OR51B5: variants seen among roughly 807,000 people sequenced by gnomAD.
OR51B5 encodes the protein olfactory receptor 51B5.
For synonymous variants in OR51B5, 186 were observed against 144.8 expected (o/e 1.28, Z -2.04); for missense variants, 456 against 374.6 (o/e 1.22, Z -1.79).
chr11:5,422,509 T>A (rs2736587), intron 1 of OR51B5: 1 of 1,613,900 alleles, frequency 6.2e-7, no homozygotes, highest in Non-Finnish European at 8.5e-7. Context: ...TTGCTCAGTT[T>A]TTCTTCCTTC....
At chr11:5,469,137 A>G in intron 1 of OR51B5, 1 of 227,360 alleles carries the variant, frequency 4.4e-6, no homozygotes, top group Non-Finnish European at 8.8e-6. Context: ...CAGGCATCAA[A>G]AGTTGTCTCT....
rs768147639 is a variant in OR51B5 at position 5,489,308 on chromosome 11, A to G, written n.84+16261T>C. The G allele has an allele frequency of 1.6e-5, 26 of 1,609,182 alleles. No individual in the cohort carries two copies. Among genetic ancestry groups the G allele is most frequent in the Non-Finnish European group, 2.0e-5 (24 of 1,177,490 alleles). On this transcript the variant is annotated intron_variant and non_coding_transcript_variant, in intron 1 of 4. Transcript: ENST00000415970. ...GCCAACATCACTGTCAATATTGTCTATGGGCTAACTGTGGCTCTGCTGGCC... is the reference window on the plus strand; with the variant it reads ...GCCAACATCACTGTCAATATTGTCTGTGGGCTAACTGTGGCTCTGCTGGCC...
At chr11:5,493,915 T>C (rs1052111712) in intron 1 of OR51B5, among the ~76,000 whole-genome samples, 3 of 152,206 alleles carry the variant, frequency 2.0e-5, no homozygotes, top group Non-Finnish European at 4.4e-5. Context: ...TATCATATAT[T>C]CATATATATT....
chr11:5,453,805 T>A, intron 1 of OR51B5: 1 of 1,614,208 alleles, frequency 6.2e-7, no homozygotes, highest in East Asian at 2.2e-5. Flanking sequence ...CTTATTCACT[T>A]CTTCTCCATG....
intron 1 of OR51B5, among the ~76,000 whole-genome samples, chr11:5,401,664 T>C (rs1273254293): frequency 2.0e-5 from 3 of 152,242 alleles, no homozygotes; most frequent in Non-Finnish European, 2.9e-5. Flanking sequence ...ATTCCTGATA[T>C]TATTCCATAT....
chr11:5,343,829 C>A (rs1162650959), upstream of OR51B5, among the ~76,000 whole-genome samples: 8 of 152,314 alleles, frequency 5.3e-5, no homozygotes, highest in African/African-American at 1.7e-4. Flanking sequence ...AACTTCTAAA[C>A]TGTTACCCTT....
intron 1 of OR51B5, chr11:5,389,353 T>C: frequency 6.4e-7 from 1 of 1,571,820 alleles, no homozygotes; most frequent in Non-Finnish European, 8.7e-7. Flanking sequence ...AGCTGAAGAA[T>C]TAATAACCAG....
intron 1 of OR51B5, among the ~76,000 whole-genome samples, chr11:5,476,946 G>A (rs2133805022): frequency 6.6e-6 from 1 of 152,286 alleles, no homozygotes; most frequent in Non-Finnish European, 1.5e-5. Context: ...AAGGTACAAA[G>A]TTTCCGTTAT....
intron 1 of OR51B5, among the ~76,000 whole-genome samples, chr11:5,401,448 G>T (rs1341632954): frequency 6.6e-6 from 1 of 152,158 alleles, no homozygotes; most frequent in African/African-American, 2.4e-5. Context: ...CAAAACATGG[G>T]ACAGCTAGCC....
At chr11:5,477,939 C>T (rs943621335) in intron 1 of OR51B5, among the ~76,000 whole-genome samples, 18 of 151,920 alleles carry the variant, frequency 1.2e-4, no homozygotes, top group Admixed American at 5.9e-4. Flanking sequence ...TGGGGAGGGG[C>T]GCCCGCCATT....
At chr11:5,397,326 A>G (rs1160714178) in intron 1 of OR51B5, among the ~76,000 whole-genome samples, 3 of 152,250 alleles carry the variant, frequency 2.0e-5, no homozygotes, top group Non-Finnish European at 2.9e-5. Flanking sequence ...GCTAATATCC[A>G]GAATCTACAA....
At chr11:5,405,452 G>A (rs896253765) in intron 1 of OR51B5, among the ~76,000 whole-genome samples, 19 of 152,040 alleles carry the variant, frequency 1.2e-4, no homozygotes, top group African/African-American at 3.9e-4. Flanking sequence ...CAATGAGTCA[G>A]GTATACTTCT....
intron 1 of OR51B5, chr11:5,385,225 A>T (rs1849668514): frequency 6.6e-6 from 1 of 152,220 alleles, no homozygotes; most frequent in South Asian, 2.1e-4. Flanking sequence ...ACATGAAAAA[A>T]TGACTGTTGC....
At chr11:5,447,253 A>G (rs1850780275) in intron 1 of OR51B5, among the ~76,000 whole-genome samples, 1 of 152,196 alleles carries the variant, frequency 6.6e-6, no homozygotes, top group South Asian at 2.1e-4. Context: ...CATTACTTGA[A>G]GAATATGATG....
chr11:5,372,415 A>G (rs1325995904), intron 1 of OR51B5, among the ~76,000 whole-genome samples: 1 of 152,144 alleles, frequency 6.6e-6, no homozygotes, highest in Non-Finnish European at 1.5e-5. Context: ...CTTTCTCCAC[A>G]GCCTCTCCAA....
intron 1 of OR51B5, among the ~76,000 whole-genome samples, chr11:5,447,271 C>T (rs1380216326): frequency 6.6e-6 from 1 of 152,182 alleles, no homozygotes; most frequent in Non-Finnish European, 1.5e-5. Context: ...ATGGATACAG[C>T]TGGTTGGGAA....
At chr11:5,405,352 G>T (rs1426924010) in intron 1 of OR51B5, among the ~76,000 whole-genome samples, 1 of 152,086 alleles carries the variant, frequency 6.6e-6, no homozygotes, top group African/African-American at 2.4e-5. Flanking sequence ...CAGAGTCTGA[G>T]CTCTTAATGC....
At chr11:5,495,758 T>C (rs1851641246) in intron 1 of OR51B5, among the ~76,000 whole-genome samples, 1 of 152,184 alleles carries the variant, frequency 6.6e-6, no homozygotes, top group African/African-American at 2.4e-5. Context: ...TTAAATTAAA[T>C]AGATTACATT....
At chr11:5,477,817 G>T (rs978441683) in intron 1 of OR51B5, among the ~76,000 whole-genome samples, 1 of 152,156 alleles carries the variant, frequency 6.6e-6, no homozygotes, top group Admixed American at 6.5e-5. Context: ...CTTAAAAAAC[G>T]GCGCACCATG....
Sources: gnomAD v4.1 joint callset for allele counts (sites outside exome capture counted in the v4.1 genomes callset) on GRCh38, gnomAD v4.1.1 for gene constraint, MANE v1.5 for transcripts, NCBI Gene and HGNC (gene_info 2026-07-23, HGNC 2026-07-21) for gene names.